PCLO: variants seen among roughly 807,000 people sequenced by gnomAD.
The protein encoded by PCLO is piccolo presynaptic cytomatrix protein.
PCLO carries 82 observed loss-of-function variants against 427.5 expected under a neutral mutation model. The ratio of observed to expected loss-of-function variants is 0.19; its 90% CI spans 0.16 to 0.23. The LOEUF (loss-of-function observed/expected upper bound fraction) is 0.23, where lower values mean the gene tolerates loss of function less well. PCLO is among the 10% of genes least tolerant of loss of function. The pLI, the probability that PCLO is intolerant of heterozygous loss-of-function variation, is 1.00. For synonymous variants in PCLO, 2,357 were observed against 2,155.4 expected, an observed-to-expected ratio of 1.09 and a Z score of -2.59; for missense variants, 6,239 against 6,115.9, an observed-to-expected ratio of 1.02 and a Z score of -0.67.
At chr7:83,030,474 C>T (rs1401112469) in intron 3 of PCLO, among the ~76,000 whole-genome samples, 1 of 152,118 alleles carries the variant, frequency 6.6e-6, no homozygotes, top group Non-Finnish European at 1.5e-5. Context: ...TAGTAAATGA[C>T]TCTACCCTTA....
In PCLO at chr7:82,757,274, G is replaced by A. The variant is rs1201089535; in HGVS notation, c.*1301C>T. The A allele has an allele frequency of 1.3e-5, 2 of 151,882 alleles. No individual in the cohort carries two copies. Among genetic ancestry groups the A allele is most frequent in the Non-Finnish European group, 2.9e-5 (2 of 67,912 alleles). The allele number at this position is 151,882 out of a possible 1,614,324, so 9.4% of individuals were successfully genotyped here. ...TAATAATGCTGATAGAGAAGAGGGT[G>A]CTTCATTTTAAGACTTGGACATTAG... On this transcript the variant is annotated 3_prime_UTR_variant, in exon 25 of 25. Transcript: ENST00000333891.
chr7:82,879,229 G>T, intron 10 of PCLO, 108 bp downstream of exon 10: 3 of 878,678 alleles, frequency 3.4e-6, no homozygotes, highest in Non-Finnish European at 5.0e-6. Context: ...ACCATAAGGA[G>T]AGAGGTTTAC....
chr7:82,852,231 T>C (rs528498351), intron 10 of PCLO, among the ~76,000 whole-genome samples: 1 of 152,298 alleles, frequency 6.6e-6, no homozygotes, highest in East Asian at 1.9e-4. Context: ...AAACTATTTG[T>C]AATGGTTAAT....
intron 3 of PCLO, among the ~76,000 whole-genome samples, chr7:82,993,476 G>C (rs41575): frequency 0.74 from 112,644 of 151,810 alleles, 42,194 homozygotes; most frequent in East Asian, 0.92. Flanking sequence ...CCACTTATTA[G>C]TAGTTTAATC....
At chr7:82,761,819 A>G (rs1180090045) in intron 22 of PCLO, among the ~76,000 whole-genome samples, 1 of 152,092 alleles carries the variant, frequency 6.6e-6, no homozygotes, top group Non-Finnish European at 1.5e-5. Flanking sequence ...TGCTTACACC[A>G]AAGTATGTTA....
chr7:82,947,272 T>C (rs968993961), intron 6 of PCLO, among the ~76,000 whole-genome samples: 1 of 152,188 alleles, frequency 6.6e-6, no homozygotes, highest in African/African-American at 2.4e-5. Flanking sequence ...GTGTATTATG[T>C]GTGTCACTGT....
intron 3 of PCLO, among the ~76,000 whole-genome samples, chr7:83,020,887 T>G (rs553431445): frequency 6.6e-6 from 1 of 152,316 alleles, no homozygotes; most frequent in Non-Finnish European, 1.5e-5. Flanking sequence ...TGCTTTCTCA[T>G]AGTTGTTTGT....
intron 3 of PCLO, among the ~76,000 whole-genome samples, chr7:83,030,712 T>A (rs1322744761): frequency 6.6e-6 from 1 of 152,088 alleles, no homozygotes; most frequent in Non-Finnish European, 1.5e-5. Flanking sequence ...ATAAAAATAC[T>A]AAATAAAGAC....
At chr7:82,977,942 T>C (rs544079303) in intron 3 of PCLO, among the ~76,000 whole-genome samples, 27 of 152,308 alleles carry the variant, frequency 1.8e-4, no homozygotes, top group Admixed American at 9.8e-4. Flanking sequence ...TACCTTAGTC[T>C]TTTGTTTCCC....
chr7:83,082,292 C>T (rs1278695047), intron 3 of PCLO, among the ~76,000 whole-genome samples: 1 of 151,242 alleles, frequency 6.6e-6, no homozygotes, highest in South Asian at 2.1e-4. Context: ...ATACATAGAA[C>T]GTGTGTAAAA....
rs148901157 is a variant in PCLO, at chr7:82,902,588, GCAAAA to G, written c.13528+58_13528+62del. 11,537 of 901,714 alleles carry G rather than the reference GCAAAA, an allele frequency of 0.013. 800 individuals carry two copies. The African/African-American group carries it at 0.16, about 13-fold the overall frequency. The allele number at this position is 901,714 out of a possible 1,614,324, so 55.9% of individuals were successfully genotyped here. Reference sequence around the variant, plus strand: ...ACTGAAAGTATAATAATAAAAAAATGCAAAACAAAACAAAACAAAACAAAAAAACA... The same window carrying G: ...ACTGAAAGTATAATAATAAAAAAATGCAAAACAAAACAAAACAAAAAAACA... On this transcript the variant is annotated intron_variant, in intron 9 of 24. Transcript: ENST00000333891.
At chr7:82,796,570 A>G (rs1046694722) in intron 22 of PCLO, among the ~76,000 whole-genome samples, 1 of 151,868 alleles carries the variant, frequency 6.6e-6, no homozygotes, top group African/African-American at 2.4e-5. Flanking sequence ...CCCCACCATC[A>G]CTTCTACAGA....
At chr7:82,870,742 C>CA (rs201176339) in intron 10 of PCLO, among the ~76,000 whole-genome samples, 41 of 150,878 alleles carry the variant, frequency 2.7e-4, no homozygotes, top group South Asian at 6.3e-4. Flanking sequence ...AACTTAATAG[C>CA]AAAAAAAACC....
chr7:83,112,039 T>C lies in PCLO; in HGVS notation c.3300+22211A>G, dbSNP rs560873453. 2.5e-3 allele frequency among the ~76,000 whole-genome samples: 386 copies of C among 151,904 alleles called. 4 individuals are homozygous for C. Among genetic ancestry groups the C allele is most frequent in the African/African-American group, 9.0e-3 (373 of 41,472 alleles). The stretch of plus-strand genomic sequence containing the variant: ...TTTAATTAGGAAATGTCTGGGTTTT[T>C]TTGTTGTTTTTTGTTTTTTTGTTTG... On this transcript the variant is annotated intron_variant, in intron 3 of 24. Coordinates refer to ENST00000333891, the MANE Select transcript of PCLO (RefSeq NM_033026.6).
chr7:83,136,104 A>C (rs12669812), intron 2 of PCLO, among the ~76,000 whole-genome samples: 18,081 of 151,952 alleles, frequency 0.12, 1,248 homozygotes, highest in African/African-American at 0.17. Context: ...TCTCAAAAAA[A>C]AAAAATTATA....
At chr7:82,965,664 T>C in intron 4 of PCLO, 107 bp downstream of exon 4, 2 of 677,360 alleles carry the variant, frequency 3.0e-6, no homozygotes, top group South Asian at 2.1e-5. Flanking sequence ...CATTCATTGT[T>C]TGAGGAACTT....
At position 82,951,960 on chromosome 7, in the gene PCLO, T is replaced by C. The variant is rs765195505; in HGVS notation, c.8993A>G (p.Asn2998Ser). The change falls in exon 5 of 25, where the codon AAT becomes AGT. Residue 2998 changes from asparagine (N) to serine (S), a missense_variant. By Grantham distance (46) the Asn-to-Ser change is conservative. Coordinates refer to ENST00000333891, the MANE Select transcript of PCLO (RefSeq NM_033026.6). Reference protein sequence around the residue: ...GGMKPSMSDTNLAEAGHFFYK... With the variant: ...GGMKPSMSDTSLAEAGHFFYK... ...GAAAAAATGTCCAGCTTCTGCTAAA[T>C]TTGTGTCAGACATGGAAGGCTTCAT... 48 of 1,613,790 alleles carry C rather than the reference T, an allele frequency of 3.0e-5. No homozygotes were observed. The highest frequency in any genetic ancestry group is 1.6e-4 in the Middle Eastern group (1 of 6,084).
chr7:83,113,419 T>A (rs1562970190), intron 3 of PCLO, among the ~76,000 whole-genome samples: 1 of 152,180 alleles, frequency 6.6e-6, no homozygotes, highest in Non-Finnish European at 1.5e-5. Flanking sequence ...ATAGACCTGA[T>A]TTTATAATGA....
At chr7:82,802,283 G>A (rs774735997) in intron 21 of PCLO, among the ~76,000 whole-genome samples, 5 of 151,882 alleles carry the variant, frequency 3.3e-5, no homozygotes, top group South Asian at 2.1e-4. Context: ...TGAAAAATGC[G>A]TGAAAAGGGT....
Sources: gnomAD v4.1 joint callset for allele counts (sites outside exome capture counted in the v4.1 genomes callset) on GRCh38, gnomAD v4.1.1 for gene constraint, MANE v1.5 for transcripts, NCBI Gene and HGNC (gene_info 2026-07-23, HGNC 2026-07-21) for gene names.